ZNF354A: variants seen among roughly 807,000 people sequenced by gnomAD.
ZNF354A encodes the protein epididymis luminal protein 104.
A neutral mutation model predicts 53.3 loss-of-function variants in ZNF354A; 25 were observed. The observed-to-expected ratio is 0.47, with a 90% CI of 0.34 to 0.66. The LOEUF (loss-of-function observed/expected upper bound fraction) is 0.66. Ranked by LOEUF, ZNF354A falls within the 30% of genes least tolerant of loss-of-function variation. ZNF354A has a pLI of 0.01. For synonymous variants in ZNF354A, 228 were observed against 249.0 expected (o/e 0.92, Z 0.79); for missense variants, 586 against 716.8 (o/e 0.82, Z 2.08).
chr5:178,715,899 GGT>G (rs1491140347), intron 4 of ZNF354A, among the ~76,000 whole-genome samples: 1 of 18,462 alleles, frequency 5.4e-5, no homozygotes, highest in Non-Finnish European at 9.3e-5. Context: ...TAATCTCTGT[GGT>G]TTTTTTTTTT....
intron 4 of ZNF354A, among the ~76,000 whole-genome samples, chr5:178,719,901 C>T (rs1300832976): frequency 1.3e-5 from 2 of 151,258 alleles, no homozygotes; most frequent in East Asian, 1.9e-4. Context: ...GAGCCGAGAT[C>T]CCGCCACCGC....
intron 2 of ZNF354A, among the ~76,000 whole-genome samples, chr5:178,728,075 C>A (rs1765946607): frequency 6.6e-6 from 1 of 152,210 alleles, no homozygotes; most frequent in Non-Finnish European, 1.5e-5. Flanking sequence ...CTCCTAACCT[C>A]AGGCGATCTG....
chr5:178,729,556 C>CTTT (rs113489869), intron 1 of ZNF354A, among the ~76,000 whole-genome samples: 108 of 146,620 alleles, frequency 7.4e-4, no homozygotes, highest in Middle Eastern at 3.5e-3. Context: ...CGGAAAACGG[C>CTTT]TTTTTTTTTT....
At chr5:178,724,328 G>A (rs1473305250) in intron 4 of ZNF354A, among the ~76,000 whole-genome samples, 1 of 151,434 alleles carries the variant, frequency 6.6e-6, no homozygotes, top group African/African-American at 2.4e-5. Context: ...GGGTTCAAGT[G>A]TTTCTCCTGT....
At chr5:178,715,825 C>A (rs1765701133) in intron 4 of ZNF354A, among the ~76,000 whole-genome samples, 1 of 152,002 alleles carries the variant, frequency 6.6e-6, no homozygotes, top group Non-Finnish European at 1.5e-5. Flanking sequence ...GCATTACTAT[C>A]TCTACCATAA....
At chr5:178,725,318 C>T (rs1581748878) in intron 4 of ZNF354A, 58 bp downstream of exon 4, 1 of 1,538,290 alleles carries the variant, frequency 6.5e-7, no homozygotes. Context: ...GTTCCTACCT[C>T]CTCTCATTAA....
intron 4 of ZNF354A, among the ~76,000 whole-genome samples, chr5:178,714,289 G>A (rs1175526860): frequency 6.6e-6 from 1 of 152,002 alleles, no homozygotes; most frequent in African/African-American, 2.4e-5. Flanking sequence ...ACAGGCATGA[G>A]CCACTGTGCT....
intron 4 of ZNF354A, among the ~76,000 whole-genome samples, chr5:178,724,697 C>T (rs897564215): frequency 3.3e-5 from 5 of 152,214 alleles, no homozygotes; most frequent in Admixed American, 1.3e-4. Flanking sequence ...CTAATGTCAT[C>T]AGCTAAGGTG....
chr5:178,720,765 G>A (rs1765798558), intron 4 of ZNF354A, among the ~76,000 whole-genome samples: 1 of 152,136 alleles, frequency 6.6e-6, no homozygotes, highest in Non-Finnish European at 1.5e-5. Context: ...GCACATCCCA[G>A]ACAGCAAAAT....
intron 4 of ZNF354A, among the ~76,000 whole-genome samples, chr5:178,717,483 A>G (rs1276659388): frequency 6.6e-6 from 1 of 151,886 alleles, no homozygotes; most frequent in Non-Finnish European, 1.5e-5. Context: ...GCCACCAACC[A>G]CCAAGAAGGG....
At chr5:178,721,667 CCTTAG>C (rs759994424) in intron 4 of ZNF354A, among the ~76,000 whole-genome samples, 59 of 152,254 alleles carry the variant, frequency 3.9e-4, no homozygotes, top group Non-Finnish European at 6.6e-4. Flanking sequence ...CCTTGGAGTG[CCTTAG>C]CTTTAGTTCT....
intron 2 of ZNF354A, among the ~76,000 whole-genome samples, chr5:178,728,729 A>G (rs1480160153): frequency 4.1e-5 from 6 of 144,926 alleles, no homozygotes; most frequent in Admixed American, 1.4e-4. Flanking sequence ...CCTGGGAGGC[A>G]GAGGTTGCAG....
At chr5:178,725,335 C>G in intron 4 of ZNF354A, 41 bp downstream of exon 4, 2 of 1,589,470 alleles carry the variant, frequency 1.3e-6, no homozygotes, top group African/African-American at 1.3e-5. Flanking sequence ...TTAACCAGAC[C>G]ATTGTCTGCG....
intron 2 of ZNF354A, among the ~76,000 whole-genome samples, chr5:178,727,964 C>A (rs530104224): frequency 1.6e-4 from 24 of 152,132 alleles, no homozygotes; most frequent in Admixed American, 3.3e-4. Context: ...GATTCTCTTG[C>A]CTCGGCCTCC....
chr5:178,729,611 C>T (rs918398476), intron 1 of ZNF354A, among the ~76,000 whole-genome samples: 25 of 151,072 alleles, frequency 1.7e-4, no homozygotes, highest in African/African-American at 5.1e-4. Context: ...AGTGCAGTAG[C>T]GCAGTGGCAG....
chr5:178,726,227 C>T (rs1765904337), intron 3 of ZNF354A: 1 of 455,864 alleles, frequency 2.2e-6, no homozygotes, highest in Non-Finnish European at 4.4e-6. Flanking sequence ...TATGTATGGC[C>T]CTGTGCAAAG....
chr5:178,713,700 A>G, intron 4 of ZNF354A, 79 bp from the exon 5 acceptor site: 1 of 1,457,524 alleles, frequency 6.9e-7, no homozygotes, highest in Non-Finnish European at 9.0e-7. Context: ...TGTAGAAGGA[A>G]TAAATATTGG....
At chr5:178,720,129 G>C (rs919088372) in intron 4 of ZNF354A, among the ~76,000 whole-genome samples, 1 of 152,160 alleles carries the variant, frequency 6.6e-6, no homozygotes, top group Non-Finnish European at 1.5e-5. Context: ...TAGAAATGTT[G>C]TTGTGGTAAC....
At chr5:178,714,347 G>T (rs1765679156) in intron 4 of ZNF354A, among the ~76,000 whole-genome samples, 1 of 151,962 alleles carries the variant, frequency 6.6e-6, no homozygotes, top group Non-Finnish European at 1.5e-5. Flanking sequence ...TCCACCCCAT[G>T]TCAAATTCCC....
Sources: gnomAD v4.1 joint callset for allele counts (sites outside exome capture counted in the v4.1 genomes callset) on GRCh38, gnomAD v4.1.1 for gene constraint, MANE v1.5 for transcripts, NCBI Gene and HGNC (gene_info 2026-07-23, HGNC 2026-07-21) for gene names.